The following GDPD4 variants were observed in gnomAD, a reference collection of about 807,000 sequenced individuals.
GDPD4 encodes the protein glycerophosphodiester phosphodiesterase 6.
Under a neutral mutation model 67.8 loss-of-function variants are expected in GDPD4, and 60 were observed. The observed-to-expected ratio is 0.88, with a 90% CI of 0.72 to 1.10. The LOEUF (loss-of-function observed/expected upper bound fraction) is 1.10. GDPD4 is among the 50% of genes least tolerant of loss of function. GDPD4 has a pLI of 0.00. For synonymous variants in GDPD4, 212 were observed against 210.9 expected (o/e 1.00, Z -0.04); for missense variants, 623 against 613.9 (o/e 1.01, Z -0.16).
intron 1 of GDPD4, among the ~76,000 whole-genome samples, chr11:77,299,989 A>G (rs1938104994): frequency 6.6e-6 from 1 of 152,254 alleles, no homozygotes; most frequent in African/African-American, 2.4e-5. Flanking sequence ...TTTAATTTGC[A>G]ATTTGTAAGT....
chr11:77,221,984 T>C (rs150375383), intron 16 of GDPD4, among the ~76,000 whole-genome samples: 2 of 152,180 alleles, frequency 1.3e-5, no homozygotes, highest in Non-Finnish European at 2.9e-5. Context: ...CATTATGTAA[T>C]GGCCTTGTCT....
At chr11:77,281,404 C>A in intron 3 of GDPD4, among the ~76,000 whole-genome samples, 1 of 152,108 alleles carries the variant, frequency 6.6e-6, no homozygotes, top group East Asian at 1.9e-4. Flanking sequence ...AATGGAGAAA[C>A]AACACACACA....
intron 2 of GDPD4, 44 bp downstream of exon 2, chr11:77,287,174 C>T (rs1425171677): frequency 6.6e-6 from 1 of 152,204 alleles, no homozygotes; most frequent in African/African-American, 2.4e-5. Context: ...GCCTATGCTC[C>T]CCGCATCTGA....
intron 5 of GDPD4, among the ~76,000 whole-genome samples, chr11:77,275,150 G>A (rs557181774): frequency 2.4e-4 from 36 of 152,168 alleles, no homozygotes; most frequent in African/African-American, 7.9e-4. Flanking sequence ...TGCATTGTAG[G>A]CATATATCAA....
At chr11:77,230,513 G>T (rs1280138979) in intron 14 of GDPD4, among the ~76,000 whole-genome samples, 3 of 152,156 alleles carry the variant, frequency 2.0e-5, no homozygotes, top group Non-Finnish European at 4.4e-5. Context: ...TAGGTAGATT[G>T]CTCATTCAGA....
chr11:77,286,211 A>C (rs1435243785), intron 2 of GDPD4, among the ~76,000 whole-genome samples: 1 of 152,018 alleles, frequency 6.6e-6, no homozygotes, highest in African/African-American at 2.4e-5. Flanking sequence ...ACCATCCCCA[A>C]TTCTCTACCT....
intron 1 of GDPD4, among the ~76,000 whole-genome samples, chr11:77,297,988 G>C (rs894286159): frequency 6.6e-6 from 1 of 152,032 alleles, no homozygotes; most frequent in Non-Finnish European, 1.5e-5. Context: ...ATGGAGAATA[G>C]AGTGATTAAC....
chr11:77,297,617 C>T (rs1455475158), intron 1 of GDPD4, among the ~76,000 whole-genome samples: 1 of 151,546 alleles, frequency 6.6e-6, no homozygotes, highest in Non-Finnish European at 1.5e-5. Flanking sequence ...TTTAGCTGTG[C>T]AACTTTAGGC....
intron 1 of GDPD4, among the ~76,000 whole-genome samples, chr11:77,288,743 A>C (rs1937658944): frequency 6.6e-6 from 1 of 152,224 alleles, no homozygotes; most frequent in Non-Finnish European, 1.5e-5. Context: ...GACACAAAAA[A>C]CATGAAAAAG....
chr11:77,291,367 G>A lies in GDPD4; in HGVS notation c.-253-3947C>T, dbSNP rs116085807. On this transcript the variant is annotated intron_variant, in intron 1 of 16. Transcript: ENST00000315938. ...AATGATAATTACCGGAGGCTGGGAA[G>A]GACATGGGGTTGCAGGGGGATGAAG... 5.7e-3 allele frequency among the ~76,000 whole-genome samples: 870 copies of A among 152,282 alleles called. 12 individuals carry two copies. Among genetic ancestry groups the A allele is most frequent in the African/African-American group, 0.02 (837 of 41,548 alleles).
intron 11 of GDPD4, among the ~76,000 whole-genome samples, chr11:77,257,900 T>C (rs1959035910): frequency 6.6e-6 from 1 of 152,198 alleles, no homozygotes; most frequent in Non-Finnish European, 1.5e-5. Flanking sequence ...GTTTTGCTCT[T>C]ATCACAATGT....
chr11:77,247,486 G>A (rs1181811529), intron 11 of GDPD4, among the ~76,000 whole-genome samples: 1 of 152,212 alleles, frequency 6.6e-6, no homozygotes, highest in Non-Finnish European at 1.5e-5. Context: ...AACAGCTGAA[G>A]TACATTGTGC....
intron 8 of GDPD4, 24 bp downstream of exon 8, chr11:77,269,858 TC>T (rs1959198397): frequency 7.3e-7 from 1 of 1,364,178 alleles, no homozygotes; most frequent in African/African-American, 1.5e-5. Context: ...TTAGTGACTT[TC>T]AAATCTCAGT....
chr11:77,228,495 G>C (rs546675064), intron 15 of GDPD4, among the ~76,000 whole-genome samples: 2 of 41,848 alleles, frequency 4.8e-5, no homozygotes, highest in African/African-American at 2.3e-4. Context: ...GCAAGACTCC[G>C]TCTCAAAAAA....
intron 16 of GDPD4, among the ~76,000 whole-genome samples, chr11:77,217,998 A>G (rs1958155923): frequency 6.6e-6 from 1 of 150,966 alleles, no homozygotes; most frequent in Non-Finnish European, 1.5e-5. Flanking sequence ...TTATTAATTA[A>G]TTTTTAAAAG....
At chr11:77,277,224 T>TAA (rs34429129) in intron 4 of GDPD4, among the ~76,000 whole-genome samples, 37 of 134,908 alleles carry the variant, frequency 2.7e-4, no homozygotes, top group African/African-American at 8.4e-4. Flanking sequence ...TTTCCCCATG[T>TAA]AAAAAAAAAA....
chr11:77,290,879 G>A (rs1171511991), intron 1 of GDPD4, among the ~76,000 whole-genome samples: 2 of 152,208 alleles, frequency 1.3e-5, no homozygotes, highest in East Asian at 3.9e-4. Flanking sequence ...AAAAAATAAA[G>A]AAGCTGGCAA....
At chr11:77,253,777 G>A (rs1034998841) in intron 11 of GDPD4, among the ~76,000 whole-genome samples, 8 of 152,054 alleles carry the variant, frequency 5.3e-5, no homozygotes, top group Admixed American at 2.6e-4. Flanking sequence ...TCCTTGAGAG[G>A]GCAGTGCACA....
rs561638246 is a variant in GDPD4, at chr11:77,284,764, CAA to C, written c.53+319_53+320del. 3.2e-3 allele frequency among the ~76,000 whole-genome samples: 487 copies of C among 152,158 alleles called. 1 individual carries two copies. Among genetic ancestry groups the C allele is most frequent in the Non-Finnish European group, 4.3e-3 (293 of 68,000 alleles). On this transcript the variant is annotated intron_variant, in intron 3 of 16. Transcript: ENST00000315938. ...CCAACTAGTGTCAACATCAGTAACT[CAA>C]AGAGACTAAAGAAAAGATACCAGGG... is the stretch of plus-strand genomic sequence containing the variant.
Sources: allele counts gnomAD v4.1 joint callset (sites outside exome capture counted in the v4.1 genomes callset), GRCh38; gene constraint gnomAD v4.1.1; transcripts MANE v1.5; gene names NCBI Gene and HGNC (gene_info 2026-07-23, HGNC 2026-07-21).